Variants in RUFY2 observed in about 807,000 individuals in gnomAD.
RUFY2 encodes the protein RUN and FYVE domain-containing protein 2.
A neutral mutation model predicts 94.4 loss-of-function variants in RUFY2; 49 were observed. The observed-to-expected ratio is 0.52, with a 90% CI of 0.41 to 0.66. The LOEUF (loss-of-function observed/expected upper bound fraction) is 0.66. RUFY2 is among the 30% of genes least tolerant of loss of function. The pLI is 0.00. For synonymous variants in RUFY2, 255 were observed against 235.7 expected, an observed-to-expected ratio of 1.08 and a Z score of -0.75; for missense variants, 541 against 692.8, an observed-to-expected ratio of 0.78 and a Z score of 2.46.
intron 6 of RUFY2, 39 bp from the exon 7 acceptor site, chr10:68,393,242 G>A (rs1346027218): frequency 2.6e-6 from 3 of 1,140,702 alleles, no homozygotes; most frequent in South Asian, 1.5e-5. Context: ...TAGTTGAAAA[G>A]GTATTTATTA....
At position 68,357,575 on chromosome 10, in the gene RUFY2, T is replaced by C. The variant is rs191104210; in HGVS notation, c.1551-2174A>G. Among the ~76,000 whole-genome samples the C allele has an allele frequency of 5.9e-3, 896 of 151,928 alleles. 16 individuals are homozygous for C. Among genetic ancestry groups the C allele is most frequent in the African/African-American group, 0.021 (859 of 41,422 alleles). Reference sequence around the variant, plus strand: ...ATTTTTTTTTCTTTAAAAAAGAAAATGTGTTAATGAAAATGCAAATTATAA... The same window carrying C: ...ATTTTTTTTTCTTTAAAAAAGAAAACGTGTTAATGAAAATGCAAATTATAA... On this transcript the variant is annotated intron_variant, in intron 15 of 17. Coordinates refer to ENST00000602465, the MANE Select transcript of RUFY2 (RefSeq NM_001330103.2).
At chr10:68,385,425 G>C (rs1406764202) in intron 8 of RUFY2, among the ~76,000 whole-genome samples, 1 of 151,952 alleles carries the variant, frequency 6.6e-6, no homozygotes, top group Non-Finnish European at 1.5e-5. Flanking sequence ...ACAAAAAAGA[G>C]AGCTGAGATA....
chr10:68,363,475 C>T lies in RUFY2; in HGVS notation c.1550+115G>A, dbSNP rs189516842. The T allele has an allele frequency of 3.5e-4, 220 of 634,248 alleles. 2 individuals carry two copies. The highest frequency in any genetic ancestry group is 2.9e-3 in the East Asian group (96 of 33,354). The allele number at this position is 634,248 out of a possible 1,614,324, so 39.3% of individuals were successfully genotyped here. On this transcript the variant is annotated intron_variant, in intron 15 of 17. Transcript: ENST00000602465. ...GATTACAGGCGTGAACCACCGCGCC[C>T]GGCCTAGTTCGTATCTTTCCTATAT...
intron 10 of RUFY2, among the ~76,000 whole-genome samples, chr10:68,381,619 TG>T (rs2049061937): frequency 1.3e-5 from 2 of 151,968 alleles, no homozygotes; most frequent in African/African-American, 4.8e-5. Context: ...CCAAGGTGGG[TG>T]GATCACTTGA....
In RUFY2 at chr10:68,369,664, G is replaced by A. The variant is rs182489122; in HGVS notation, c.1326-5551C>T. ...AGGCCAGGAATGGTGGCTGACACCT[G>A]TAATCCAAGCACTTTGGGAGGCCAA... is the stretch of plus-strand genomic sequence containing the variant. On this transcript the variant is annotated intron_variant, in intron 13 of 17. Coordinates refer to ENST00000602465, the MANE Select transcript of RUFY2 (RefSeq NM_001330103.2). Among the ~76,000 whole-genome samples, 269 of 152,250 alleles carry A rather than the reference G, an allele frequency of 1.8e-3. 2 individuals carry two copies. The highest frequency in any genetic ancestry group is 6.2e-3 in the African/African-American group (257 of 41,558).
At chr10:68,358,993 A>C (rs1159049573) in intron 15 of RUFY2, among the ~76,000 whole-genome samples, 4 of 152,168 alleles carry the variant, frequency 2.6e-5, no homozygotes, top group Non-Finnish European at 5.9e-5. Context: ...ATAAATAAGG[A>C]CTCAAAAAAG....
At chr10:68,341,316 G>A (rs2045917651), downstream of RUFY2, 2 of 1,597,440 alleles carry the variant, frequency 1.3e-6, no homozygotes, top group East Asian at 4.5e-5. Flanking sequence ...ATGCGTAAGT[G>A]GTGTCTTTGG....
rs2046164656 is a variant in RUFY2, at chr10:68,344,486, G to A, written c.*1282C>T. On this transcript the variant is annotated 3_prime_UTR_variant, in exon 18 of 18. Transcript: ENST00000602465. The stretch of plus-strand genomic sequence containing the variant: ...GTAATTTATACAAGTTAAATTCTTA[G>A]TATGCCATAAGCAATATAACTTGGA... The A allele has an allele frequency of 6.6e-6, 1 of 152,194 alleles. No homozygotes were observed. Among genetic ancestry groups the A allele is most frequent in the Non-Finnish European group, 1.5e-5 (1 of 68,046 alleles). 9.4% of individuals were successfully genotyped at this position (152,194 alleles called of 1,614,324 possible).
chr10:68,394,968 A>T (rs2050282829), intron 4 of RUFY2, among the ~76,000 whole-genome samples: 1 of 152,008 alleles, frequency 6.6e-6, no homozygotes, highest in Admixed American at 6.6e-5. Flanking sequence ...CTCTATTGAA[A>T]AATCAAAAGG....
chr10:68,341,962 A>G (rs776286046), downstream of RUFY2: 21 of 1,612,990 alleles, frequency 1.3e-5, no homozygotes, highest in Middle Eastern at 1.6e-4. Context: ...GTGATTCTTA[A>G]TATCTTTTTC....
At chr10:68,393,356 T>A (rs1438607513) in intron 6 of RUFY2, among the ~76,000 whole-genome samples, 153 bp from the exon 7 acceptor site, 2 of 152,252 alleles carry the variant, frequency 1.3e-5, no homozygotes, top group African/African-American at 4.8e-5. Context: ...AACTGTGTAC[T>A]AAGTATCTAT....
In RUFY2 at chr10:68,380,058, T is replaced by C. The variant is rs188135874; in HGVS notation, c.1108-537A>G. Among the ~76,000 whole-genome samples, 423 of 152,206 alleles carry C rather than the reference T, an allele frequency of 2.8e-3. 4 individuals carry two copies. The highest frequency in any genetic ancestry group is 9.6e-3 in the African/African-American group (399 of 41,538). ...CTCCTGACCTTGTGATCTGCCCGCCTTGGCCTCCCAAAGTGCTGGGATTAC... is the reference window on the plus strand; with the variant it reads ...CTCCTGACCTTGTGATCTGCCCGCCCTGGCCTCCCAAAGTGCTGGGATTAC... On this transcript the variant is annotated intron_variant, in intron 11 of 17. Coordinates refer to ENST00000602465, the MANE Select transcript of RUFY2 (RefSeq NM_001330103.2).
intron 7 of RUFY2, among the ~76,000 whole-genome samples, chr10:68,391,854 C>T (rs142371108): frequency 0.016 from 2,318 of 149,298 alleles, 22 homozygotes; most frequent in Non-Finnish European, 0.025. Context: ...CCCAGCTACT[C>T]GGGAGGCTGA....
At chr10:68,368,496 C>T (rs7910925) in intron 13 of RUFY2, among the ~76,000 whole-genome samples, 4,322 of 151,744 alleles carry the variant, frequency 0.028, 211 homozygotes, top group African/African-American at 0.099. Flanking sequence ...CCTGTCTCTA[C>T]TAAAAATACA....
At chr10:68,375,243 T>C (rs977213634) in intron 13 of RUFY2, among the ~76,000 whole-genome samples, 2 of 136,128 alleles carry the variant, frequency 1.5e-5, no homozygotes, top group African/African-American at 2.8e-5. Context: ...TTAAAAAAAA[T>C]GTTAGGGAGC....
chr10:68,348,712 A>G (rs545503078), intron 16 of RUFY2, among the ~76,000 whole-genome samples: 6 of 152,284 alleles, frequency 3.9e-5, no homozygotes, highest in African/African-American at 1.4e-4. Context: ...TTTCATTGAA[A>G]CTACCTGCCG....
chr10:68,359,498 CTA>C (rs778310947), intron 15 of RUFY2, among the ~76,000 whole-genome samples: 2 of 142,996 alleles, frequency 1.4e-5, no homozygotes, highest in Non-Finnish European at 3.0e-5. Context: ...AGTAGTACTA[CTA>C]TATATATAAA....
At position 68,383,931 on chromosome 10, in the gene RUFY2, A is replaced by T. The variant is rs777993731; in HGVS notation, c.823-17T>A. On this transcript the variant is annotated splice_polypyrimidine_tract_variant and intron_variant, in intron 9 of 17. Transcript: ENST00000602465. ...TTTGGTAACCTAGGAAGAAAACAAA[A>T]TTTTTCATTCTATAATCACTACTAT... The T allele has an allele frequency of 1.5e-5, 24 of 1,599,770 alleles. No individual in the cohort carries two copies. The South Asian group carries it at 2.5e-4, about 17-fold the overall frequency.
At chr10:68,399,741 A>G (rs1028620487) in intron 3 of RUFY2, among the ~76,000 whole-genome samples, 10 of 152,234 alleles carry the variant, frequency 6.6e-5, no homozygotes, top group Admixed American at 1.3e-4. Flanking sequence ...AAGAATTAAG[A>G]TAAACTAAAG....
Sources: gnomAD v4.1 joint callset for allele counts (sites outside exome capture counted in the v4.1 genomes callset) on GRCh38, gnomAD v4.1.1 for gene constraint, MANE v1.5 for transcripts, NCBI Gene and HGNC (gene_info 2026-07-23, HGNC 2026-07-21) for gene names.